The following PRKG1 variants were observed in gnomAD, a reference collection of about 807,000 sequenced individuals.
The protein encoded by PRKG1 is protein kinase cGMP-dependent 1, also known as cGMP-dependent protein kinase 1.
PRKG1 carries 35 observed loss-of-function variants against 88.1 expected under a neutral mutation model. The ratio of observed to expected loss-of-function variants is 0.40; its 90% CI spans 0.30 to 0.53. PRKG1 has a LOEUF of 0.53. Ranked by LOEUF, PRKG1 falls within the 20% of genes least tolerant of loss-of-function variation. The probability of loss-of-function intolerance (pLI) is 0.59; values close to 1 mark genes in which losing one functional copy is unlikely to be tolerated. For missense variants in PRKG1, 540 were observed against 839.8 expected, an observed-to-expected ratio of 0.64 and a Z score of 4.41; for synonymous variants, 303 against 292.5, an observed-to-expected ratio of 1.04 and a Z score of -0.37.
chr10:51,241,193 T>C (rs1839141866), intron 2 of PRKG1, among the ~76,000 whole-genome samples: 1 of 152,042 alleles, frequency 6.6e-6, no homozygotes, highest in Admixed American at 6.6e-5. Flanking sequence ...ATCTGCCTGA[T>C]GTCAGAATGA....
intron 1 of PRKG1, among the ~76,000 whole-genome samples, chr10:51,081,418 A>G (rs1343023664): frequency 1.3e-5 from 2 of 152,236 alleles, no homozygotes; most frequent in Non-Finnish European, 2.9e-5. Context: ...TGCCATAGAG[A>G]AGAGACACCC....
At chr10:52,114,280 CTA>C (rs1375577616) in intron 7 of PRKG1, among the ~76,000 whole-genome samples, 1 of 152,018 alleles carries the variant, frequency 6.6e-6, no homozygotes, top group Non-Finnish European at 1.5e-5. Context: ...AGGTTCAAAT[CTA>C]GATCTGCCAC....
intron 2 of PRKG1, among the ~76,000 whole-genome samples, chr10:51,352,522 A>G (rs1413642155): frequency 3.9e-5 from 6 of 152,158 alleles, no homozygotes; most frequent in African/African-American, 1.4e-4. Flanking sequence ...AGTACCTAGG[A>G]ATTAACAAAC....
At chr10:51,751,042 T>C (rs1387206002) in intron 3 of PRKG1, among the ~76,000 whole-genome samples, 4 of 152,182 alleles carry the variant, frequency 2.6e-5, no homozygotes, top group Non-Finnish European at 5.9e-5. Context: ...AAGAGAGAAT[T>C]TTAGATTAAG....
chr10:51,671,341 A>G (rs1273466867), intron 3 of PRKG1, among the ~76,000 whole-genome samples: 2 of 152,200 alleles, frequency 1.3e-5, no homozygotes, highest in East Asian at 3.9e-4. Flanking sequence ...GCTTAAAATG[A>G]CAGAAATGTA....
chr10:51,558,123 G>A (rs1212196668), intron 3 of PRKG1, among the ~76,000 whole-genome samples: 1 of 151,924 alleles, frequency 6.6e-6, no homozygotes, highest in African/African-American at 2.4e-5. Flanking sequence ...CCAAATTTTT[G>A]AATTTATATT....
At chr10:52,080,757 A>G (rs1002816727) in intron 7 of PRKG1, among the ~76,000 whole-genome samples, 1 of 152,202 alleles carries the variant, frequency 6.6e-6, no homozygotes, top group Non-Finnish European at 1.5e-5. Context: ...AGTTTTTAAA[A>G]TGAATTTAAT....
At chr10:51,722,650 T>A (rs1162189220) in intron 3 of PRKG1, among the ~76,000 whole-genome samples, 1 of 152,166 alleles carries the variant, frequency 6.6e-6, no homozygotes, top group Non-Finnish European at 1.5e-5. Flanking sequence ...TAAACCTAGT[T>A]TATCTCTGGC....
At chr10:51,446,248 T>C (rs1015129644) in intron 2 of PRKG1, among the ~76,000 whole-genome samples, 4 of 152,002 alleles carry the variant, frequency 2.6e-5, no homozygotes, top group Admixed American at 1.3e-4. Flanking sequence ...GCTTTTCTTT[T>C]CTTTCCTTCT....
At chr10:51,365,914 CG>C (rs143393192) in intron 2 of PRKG1, among the ~76,000 whole-genome samples, 4,015 of 149,754 alleles carry the variant, frequency 0.027, 152 homozygotes, top group African/African-American at 0.09. Context: ...CATCACTATA[CG>C]AAAAAAAAAA....
intron 4 of PRKG1, among the ~76,000 whole-genome samples, chr10:51,870,703 C>T (rs940611960): frequency 2.6e-5 from 4 of 152,134 alleles, no homozygotes; most frequent in African/African-American, 7.2e-5. Context: ...AAAGGTTCCC[C>T]ACTGCCTACA....
intron 3 of PRKG1, among the ~76,000 whole-genome samples, chr10:51,786,112 G>A (rs934924094): frequency 6.6e-6 from 1 of 152,130 alleles, no homozygotes; most frequent in Non-Finnish European, 1.5e-5. Flanking sequence ...TTAGAGATGT[G>A]AAGTATCAGA....
At chr10:51,947,991 T>G (rs1843092592) in intron 5 of PRKG1, among the ~76,000 whole-genome samples, 1 of 152,226 alleles carries the variant, frequency 6.6e-6, no homozygotes, top group African/African-American at 2.4e-5. Flanking sequence ...CTTAAAGGTC[T>G]TCTACATTTG....
chr10:52,271,288 GATAATAAT>G, intron 10 of PRKG1, 54 bp from the exon 11 acceptor site: 1 of 1,534,070 alleles, frequency 6.5e-7, no homozygotes, highest in Non-Finnish European at 8.9e-7. Flanking sequence ...TTAATTTGGG[GATAATAAT>G]GCACTCTTAC....
At chr10:51,342,160 C>T (rs1020091941) in intron 2 of PRKG1, among the ~76,000 whole-genome samples, 9 of 152,084 alleles carry the variant, frequency 5.9e-5, no homozygotes, top group Non-Finnish European at 1.0e-4. Context: ...AATGGTAACA[C>T]CTCATTTTAT....
chr10:51,258,616 G>A (rs916549193), intron 2 of PRKG1, among the ~76,000 whole-genome samples: 1 of 152,216 alleles, frequency 6.6e-6, no homozygotes, highest in Non-Finnish European at 1.5e-5. Flanking sequence ...TCCTGCCACA[G>A]TCTAGTCAGT....
chr10:52,011,255 T>C (rs1589514853), intron 5 of PRKG1, among the ~76,000 whole-genome samples: 1 of 152,230 alleles, frequency 6.6e-6, no homozygotes, highest in South Asian at 2.1e-4. Context: ...TTCATTTTTT[T>C]ATGCTACATA....
rs78282525 is a variant in PRKG1 at position 51,881,606 on chromosome 10, A to G, written c.699-25901A>G. 3.1e-3 allele frequency among the ~76,000 whole-genome samples: 469 copies of G among 152,316 alleles called. 4 individuals are homozygous for G. The highest frequency in any genetic ancestry group is 1.0e-2 in the African/African-American group (414 of 41,582). On this transcript the variant is annotated intron_variant, in intron 4 of 17. Transcript: ENST00000373980. ...GCCTTAGAACTGGCATAGCCATTCT[A>G]TTTATTAGTTAAGGCAAACCACAAG...
intron 3 of PRKG1, among the ~76,000 whole-genome samples, chr10:51,474,294 A>G (rs1840133132): frequency 6.6e-6 from 1 of 152,094 alleles, no homozygotes; most frequent in Non-Finnish European, 1.5e-5. Flanking sequence ...TTTGCCTGCA[A>G]TGTTTCATTT....
Sources: gnomAD v4.1 joint callset for allele counts (sites outside exome capture counted in the v4.1 genomes callset) on GRCh38, gnomAD v4.1.1 for gene constraint, MANE v1.5 for transcripts, NCBI Gene and HGNC (gene_info 2026-07-23, HGNC 2026-07-21) for gene names.